The following SLCO1A2 variants were observed in gnomAD, a reference collection of about 807,000 sequenced individuals.
SLCO1A2 encodes OATP-1.
Under a neutral mutation model 69.0 loss-of-function variants are expected in SLCO1A2, and 67 were observed. The ratio of observed to expected loss-of-function variants is 0.97; its 90% CI spans 0.80 to 1.19. SLCO1A2 has a LOEUF of 1.19. Among genes scored for constraint, SLCO1A2 ranks in the 50% most tolerant of loss-of-function variants. The pLI is 0.00. For synonymous variants in SLCO1A2, 260 were observed against 265.9 expected, an observed-to-expected ratio of 0.98 and a Z score of 0.22; for missense variants, 787 against 793.7, an observed-to-expected ratio of 0.99 and a Z score of 0.10.
At chr12:21,306,339 T>C (rs1463064662) in intron 5 of SLCO1A2, among the ~76,000 whole-genome samples, 1 of 152,134 alleles carries the variant, frequency 6.6e-6, no homozygotes, top group African/African-American at 2.4e-5. Flanking sequence ...ACTCTTTTTT[T>C]TTTTGAGACA....
At chr12:21,407,827 A>T (rs927595666) in intron 1 of SLCO1A2, among the ~76,000 whole-genome samples, 3 of 151,852 alleles carry the variant, frequency 2.0e-5, no homozygotes, top group African/African-American at 4.8e-5. Context: ...AAATGAAAAA[A>T]AAAAAAAAAA....
chr12:21,292,336 C>A lies in SLCO1A2; in HGVS notation c.1438G>T (p.Val480Leu), dbSNP rs1266155119. ...TGAATACAGCTGCAATTTTGGAACACCTGCCAAAAAATAACATATTATACT... is the reference window on the plus strand; with the variant it reads ...TGAATACAGCTGCAATTTTGGAACAACTGCCAAAAAATAACATATTATACT... ...ETSIGTGINM[V>L]FQNCSCIQTS... Residue 480 changes from valine to leucine, a missense_variant and splice_region_variant, in exon 12 of 15, where the codon GTG (valine) becomes TTG (leucine). Transcript: ENST00000683939. The A allele has an allele frequency of 1.3e-6, 2 of 1,599,766 alleles. No individual in the cohort carries two copies. The highest frequency in any genetic ancestry group is 1.7e-6 in the Non-Finnish European group (2 of 1,174,532).
At chr12:21,307,080 A>C in intron 4 of SLCO1A2, 92 bp from the exon 5 acceptor site, 1 of 789,622 alleles carries the variant, frequency 1.3e-6, no homozygotes. Context: ...CTTCCCATAC[A>C]ACACAATATC....
intron 2 of SLCO1A2, among the ~76,000 whole-genome samples, chr12:21,327,777 A>C (rs10841794): frequency 0.32 from 47,980 of 151,764 alleles, 7,724 homozygotes; most frequent in East Asian, 0.35. Context: ...ATTTTTTTTG[A>C]TGGCTCCTAA....
Position 21,269,589 on chromosome 12 carries a change from A to G in SLCO1A2, c.1972T>C (p.Ser658Pro), listed in dbSNP as rs1340275159. 1 of 1,612,170 alleles carries G rather than the reference A, an allele frequency of 6.2e-7. No individual in the cohort carries two copies. The highest frequency in any genetic ancestry group is 8.5e-7 in the Non-Finnish European group (1 of 1,178,806). ...AATTCATCATCTTTCAAAACCGTGG[A>G]CTTTTGGTATATATCTTTGCACTCA... is the stretch of plus-strand genomic sequence containing the variant. ...ENECKDIYQK[S>P]TVLKDDELKT... Residue 658 changes from serine (S) to proline (P), a missense_variant, in exon 15 of 15, where the codon TCC becomes CCC. Coordinates refer to ENST00000683939, the MANE Select transcript of SLCO1A2 (RefSeq NM_001386879.1).
upstream of SLCO1A2, among the ~76,000 whole-genome samples, chr12:21,399,689 T>C (rs1941618412): frequency 1.1e-5 from 1 of 92,156 alleles, no homozygotes; most frequent in Non-Finnish European, 2.4e-5. Flanking sequence ...TATAGATCAA[T>C]GGAACAAAAC....
Position 21,306,474 on chromosome 12 carries a change from C to T in SLCO1A2, c.442+408G>A, listed in dbSNP as rs142458789. On this transcript the variant is annotated intron_variant, in intron 5 of 14. Coordinates refer to ENST00000683939, the MANE Select transcript of SLCO1A2 (RefSeq NM_001386879.1). Reference sequence around the variant, plus strand: ...CTGAGTAGCTGGGATTACAGGTGCCCGCTACCATGCTTGGCTAATTTTTGT... The same window carrying T: ...CTGAGTAGCTGGGATTACAGGTGCCTGCTACCATGCTTGGCTAATTTTTGT... Among the ~76,000 whole-genome samples the T allele has an allele frequency of 4.2e-3, 644 of 152,048 alleles. 9 individuals carry two copies. Among genetic ancestry groups the T allele is most frequent in the African/African-American group, 0.015 (618 of 41,464 alleles).
At chr12:21,353,946 T>C (rs1938164678) in intron 2 of SLCO1A2, among the ~76,000 whole-genome samples, 1 of 152,188 alleles carries the variant, frequency 6.6e-6, no homozygotes. Flanking sequence ...CTTTGGTGTG[T>C]GACAAATGGA....
upstream of SLCO1A2, among the ~76,000 whole-genome samples, chr12:21,339,656 A>T (rs377006600): frequency 6.6e-6 from 1 of 151,992 alleles, no homozygotes; most frequent in Non-Finnish European, 1.5e-5. Flanking sequence ...TCAGAGATTT[A>T]CAGCAGTGGA....
chr12:21,354,219 G>T (rs1031212031), intron 2 of SLCO1A2, among the ~76,000 whole-genome samples: 13 of 152,268 alleles, frequency 8.5e-5, no homozygotes, highest in African/African-American at 2.9e-4. Flanking sequence ...AGTCCTCTGC[G>T]GACACTGTGC....
chr12:21,413,994 C>G (rs1030109245), intron 1 of SLCO1A2, among the ~76,000 whole-genome samples: 7 of 152,128 alleles, frequency 4.6e-5, no homozygotes, highest in Non-Finnish European at 1.0e-4. Context: ...TCCCTCTGAC[C>G]TTCTAGTTGA....
At chr12:21,398,643 C>T (rs1402127816), upstream of SLCO1A2, among the ~76,000 whole-genome samples, 6 of 151,748 alleles carry the variant, frequency 4.0e-5, no homozygotes, top group Admixed American at 2.6e-4. Context: ...ACTGGCAAAA[C>T]GAATCCAGCA....
chr12:21,385,961 T>A (rs1162870034), intron 1 of SLCO1A2, among the ~76,000 whole-genome samples: 1 of 152,118 alleles, frequency 6.6e-6, no homozygotes, highest in Non-Finnish European at 1.5e-5. Flanking sequence ...GCCCTTGGAG[T>A]ACCCAGATAT....
At chr12:21,326,770 T>G (rs910300531) in intron 2 of SLCO1A2, among the ~76,000 whole-genome samples, 1 of 152,194 alleles carries the variant, frequency 6.6e-6, no homozygotes, top group Non-Finnish European at 1.5e-5. Context: ...TGGGTGCTCT[T>G]AAGAGCATTC....
At position 21,294,011 on chromosome 12, in the gene SLCO1A2, AT is replaced by A. The variant is rs1947330814; in HGVS notation, c.1370del (p.Asn457MetfsTer21). The A allele has an allele frequency of 6.2e-7, 1 of 1,613,224 alleles. No homozygotes were observed. The highest frequency in any genetic ancestry group is 8.5e-7 in the Non-Finnish European group (1 of 1,179,612). ...SKIWDPVCGN[N>X]GLSYLSACLA... is the part of the protein sequence containing the mutation. ...GACAAGCTGACAGATATGACAAGCC[AT>A]TGTTTCCACACACAGGATCCCATAT... On this transcript the variant is annotated frameshift_variant, in exon 11 of 15. Transcript: ENST00000683939. LOFTEE classifies it high-confidence loss of function.
In SLCO1A2 at chr12:21,300,542, G is replaced by A; in HGVS notation, c.716C>T (p.Thr239Ile). 1 of 1,612,354 alleles carries A rather than the reference G, an allele frequency of 6.2e-7. No individual in the cohort carries two copies. The highest frequency in any genetic ancestry group is 8.5e-7 in the Non-Finnish European group (1 of 1,179,190). Residue 239 changes from threonine to isoleucine, a missense_variant, in exon 8 of 15, where the codon ACT (threonine) becomes ATT (isoleucine). Physicochemically the swap from Thr to Ile is moderately conservative, Grantham distance 89 (BLOSUM62 -1). Coordinates refer to ENST00000683939, the MANE Select transcript of SLCO1A2 (RefSeq NM_001386879.1). ...AAACCACCATGCACCGACCCAACGA[G>A]TGTCAGTGGGAGTTATGATCAGATC... ...TDDLIITPTD[T>I]RWVGAWWFGF...
At chr12:21,305,817 CAAT>C (rs928127245) in intron 5 of SLCO1A2, among the ~76,000 whole-genome samples, 1 of 152,224 alleles carries the variant, frequency 6.6e-6, no homozygotes, top group Non-Finnish European at 1.5e-5. Flanking sequence ...TTTCCTGACT[CAAT>C]GATGGTCATG....
chr12:21,281,054 G>C (rs1944702958), intron 12 of SLCO1A2, among the ~76,000 whole-genome samples: 1 of 152,036 alleles, frequency 6.6e-6, no homozygotes, highest in Non-Finnish European at 1.5e-5. Flanking sequence ...AATAATAACA[G>C]AAACACAACA....
chr12:21,366,544 TAATAA>T (rs897989362), intron 2 of SLCO1A2, among the ~76,000 whole-genome samples: 8 of 151,750 alleles, frequency 5.3e-5, no homozygotes, highest in African/African-American at 1.9e-4. Context: ...TTAAGTAAAA[TAATAA>T]AATAAAAATA....
Sources: allele counts gnomAD v4.1 joint callset (sites outside exome capture counted in the v4.1 genomes callset), GRCh38; gene constraint gnomAD v4.1.1; transcripts MANE v1.5; gene names NCBI Gene and HGNC (gene_info 2026-07-23, HGNC 2026-07-21).